Variants in KALRN observed in about 807,000 individuals in gnomAD.
The protein encoded by KALRN is kalirin RhoGEF kinase.
In KALRN, 70 loss-of-function variants were observed where a neutral mutation model predicts 353.7. The observed-to-expected ratio is 0.20, with a 90% CI of 0.16 to 0.24. KALRN has a LOEUF of 0.24. KALRN is among the 10% of genes least tolerant of loss of function. The pLI, the probability that KALRN is intolerant of heterozygous loss-of-function variation, is 1.00. For synonymous variants in KALRN, 1,391 were observed against 1,434.8 expected (o/e 0.97, Z 0.69); for missense variants, 2,791 against 3,756.7 (o/e 0.74, Z 6.72).
Position 124,661,835 on chromosome 3 carries a change from T to C in KALRN, c.6268-16T>C, listed in dbSNP as rs2084914830. 5.0e-6 allele frequency: 8 copies of C among 1,609,420 alleles called. No individual in the cohort carries two copies. In the East Asian group the frequency reaches 1.8e-4, roughly 36 times the overall value. The stretch of plus-strand genomic sequence containing the variant: ...TGCTGTTCCCCCTCCTGAGTAACAG[T>C]TGTTCTTTCCCACAGAAAGCAGTGG... On this transcript the variant is annotated splice_polypyrimidine_tract_variant and intron_variant, in intron 44 of 59. Coordinates refer to ENST00000682506, the MANE Select transcript of KALRN (RefSeq NM_001388419.1).
chr3:124,509,282 C>T (rs2065601276), intron 33 of KALRN, among the ~76,000 whole-genome samples: 1 of 152,130 alleles, frequency 6.6e-6, no homozygotes, highest in Non-Finnish European at 1.5e-5. Flanking sequence ...AATCTCAGCT[C>T]ACTGCAACCT....
At chr3:124,628,521 TTTCC>T (rs1186012537) in intron 34 of KALRN, among the ~76,000 whole-genome samples, 3 of 101,934 alleles carry the variant, frequency 2.9e-5, no homozygotes, top group African/African-American at 6.4e-5. Context: ...CTTCCCTTCC[TTTCC>T]TTCCTTCCTT....
At chr3:124,077,991 A>C (rs2060345657) in intron 1 of KALRN, among the ~76,000 whole-genome samples, 2 of 152,196 alleles carry the variant, frequency 1.3e-5, no homozygotes, top group African/African-American at 4.8e-5. Flanking sequence ...AATAAATGAG[A>C]TCATGAATGT....
chr3:124,134,601 G>C (rs1037264773), intron 1 of KALRN, among the ~76,000 whole-genome samples: 1 of 152,116 alleles, frequency 6.6e-6, no homozygotes, highest in African/African-American at 2.4e-5. Flanking sequence ...CCACTGAGTG[G>C]GAGAAAATCT....
chr3:124,523,560 G>A (rs775889194), intron 33 of KALRN, among the ~76,000 whole-genome samples: 1 of 152,208 alleles, frequency 6.6e-6, no homozygotes, highest in African/African-American at 2.4e-5. Flanking sequence ...TTGATTATAT[G>A]TACCATTGCT....
intron 1 of KALRN, among the ~76,000 whole-genome samples, chr3:124,185,315 C>A (rs905872108): frequency 6.6e-6 from 1 of 152,226 alleles, no homozygotes; most frequent in Non-Finnish European, 1.5e-5. Flanking sequence ...TGCACCTAAC[C>A]TCTAACAAAT....
At chr3:124,403,858 G>T (rs148005635) in intron 13 of KALRN, among the ~76,000 whole-genome samples, 4 of 152,294 alleles carry the variant, frequency 2.6e-5, no homozygotes, top group African/African-American at 9.6e-5. Context: ...TACAATTTAA[G>T]AATTCTATGA....
intron 1 of KALRN, among the ~76,000 whole-genome samples, chr3:124,121,716 A>C (rs2064045954): frequency 6.6e-6 from 1 of 152,208 alleles, no homozygotes; most frequent in African/African-American, 2.4e-5. Context: ...AGCCCTGTTC[A>C]AAGAGGCTGT....
chr3:124,313,696 A>G (rs1428331604), intron 6 of KALRN, among the ~76,000 whole-genome samples: 1 of 152,044 alleles, frequency 6.6e-6, no homozygotes, highest in Non-Finnish European at 1.5e-5. Context: ...TGCCCAAAAT[A>G]CCACATATGG....
At chr3:124,549,614 T>C (rs1414562151) in intron 33 of KALRN, among the ~76,000 whole-genome samples, 1 of 152,152 alleles carries the variant, frequency 6.6e-6, no homozygotes, top group Non-Finnish European at 1.5e-5. Context: ...TTTTATAATA[T>C]ATACATATAT....
intron 1 of KALRN, among the ~76,000 whole-genome samples, chr3:124,036,963 T>C (rs1559851559): frequency 6.6e-6 from 1 of 152,222 alleles, no homozygotes; most frequent in Non-Finnish European, 1.5e-5. Context: ...AGCCTACTAT[T>C]CTAGATTGGT....
At chr3:124,142,078 T>G (rs1182411705) in intron 1 of KALRN, among the ~76,000 whole-genome samples, 1 of 152,184 alleles carries the variant, frequency 6.6e-6, no homozygotes, top group Non-Finnish European at 1.5e-5. Context: ...CCCTCCATTC[T>G]CAATTCCTCC....
intron 33 of KALRN, chr3:124,519,814 T>C: frequency 6.1e-6 from 6 of 985,330 alleles, no homozygotes; most frequent in Non-Finnish European, 7.2e-6. Flanking sequence ...CGTATGTCAC[T>C]TTCTTGAATG....
At chr3:124,093,319 G>A (rs1007051034) in intron 1 of KALRN, among the ~76,000 whole-genome samples, 1 of 152,248 alleles carries the variant, frequency 6.6e-6, no homozygotes, top group Admixed American at 6.5e-5. Context: ...CATTCTGTTA[G>A]GACAGTGAGA....
Position 124,384,828 on chromosome 3 carries a change from A to G in KALRN, c.1771-17A>G. ...CGCGACTGCAACTTGACTTTGCCTCACTGTTGTTGCTGGCAGAATACGTAC... is the reference window on the plus strand; with the variant it reads ...CGCGACTGCAACTTGACTTTGCCTCGCTGTTGTTGCTGGCAGAATACGTAC... On this transcript the variant is annotated splice_polypyrimidine_tract_variant and intron_variant, in intron 10 of 59. Coordinates refer to ENST00000682506, the MANE Select transcript of KALRN (RefSeq NM_001388419.1). 6.4e-7 allele frequency: 1 copy of G among 1,561,514 alleles called. No homozygotes were observed. The highest frequency in any genetic ancestry group is 1.3e-5 in the African/African-American group (1 of 74,084).
At chr3:124,341,296 C>T (rs548366505) in intron 9 of KALRN, among the ~76,000 whole-genome samples, 38 of 152,294 alleles carry the variant, frequency 2.5e-4, no homozygotes, top group South Asian at 8.3e-4. Context: ...GGCTCACCTG[C>T]GTTGTTATCC....
chr3:124,340,868 A>G (rs1249118758), intron 9 of KALRN, among the ~76,000 whole-genome samples: 3 of 152,224 alleles, frequency 2.0e-5, no homozygotes, highest in African/African-American at 7.2e-5. Context: ...AGGCAGGAGA[A>G]TCGCTTGAAC....
At chr3:124,446,690 T>C in intron 20 of KALRN, 73 bp from the exon 21 acceptor site, 1 of 1,583,252 alleles carries the variant, frequency 6.3e-7, no homozygotes. Flanking sequence ...ACAATAACCT[T>C]CATTGTAGTA....
intron 34 of KALRN, among the ~76,000 whole-genome samples, chr3:124,612,803 C>A (rs544869927): frequency 6.6e-6 from 1 of 152,274 alleles, no homozygotes; most frequent in South Asian, 2.1e-4. Context: ...AGGAACAGCT[C>A]CTGGCATATA....
Sources: gnomAD v4.1 joint callset for allele counts (sites outside exome capture counted in the v4.1 genomes callset) on GRCh38, gnomAD v4.1.1 for gene constraint, MANE v1.5 for transcripts, NCBI Gene and HGNC (gene_info 2026-07-23, HGNC 2026-07-21) for gene names.